PPP2R2B: variants seen among roughly 807,000 people sequenced by gnomAD.
The protein encoded by PPP2R2B is serine/threonine-protein phosphatase 2A 55 kDa regulatory subunit B beta isoform.
Under a neutral mutation model 46.0 loss-of-function variants are expected in PPP2R2B, and 5 were observed. That is an observed-to-expected ratio of 0.11 (90% CI 0.06 to 0.23). The LOEUF (loss-of-function observed/expected upper bound fraction) is 0.23, where lower values mean the gene tolerates loss of function less well. PPP2R2B is among the 10% of genes least tolerant of loss of function. The pLI, the probability that PPP2R2B is intolerant of heterozygous loss-of-function variation, is 1.00. For synonymous variants in PPP2R2B, 215 were observed against 206.7 expected, an observed-to-expected ratio of 1.04 and a Z score of -0.34; for missense variants, 367 against 575.0, an observed-to-expected ratio of 0.64 and a Z score of 3.70.
chr5:146,686,184 A>G (rs1778490034), intron 5 of PPP2R2B, among the ~76,000 whole-genome samples: 1 of 152,238 alleles, frequency 6.6e-6, no homozygotes, highest in African/African-American at 2.4e-5. Context: ...AAAGTCTACC[A>G]TGTGCCATGG....
chr5:146,832,566 G>C (rs189399562), intron 2 of PPP2R2B, among the ~76,000 whole-genome samples: 4 of 151,308 alleles, frequency 2.6e-5, no homozygotes, highest in Non-Finnish European at 5.9e-5. Context: ...TAGTTTTTTT[G>C]TATTTTTAGT....
chr5:146,836,017 A>G (rs1759259900), intron 2 of PPP2R2B, among the ~76,000 whole-genome samples: 2 of 152,166 alleles, frequency 1.3e-5, no homozygotes, highest in African/African-American at 4.8e-5. Context: ...CACCAACCGC[A>G]TTGGGTTGTT....
chr5:146,608,848 G>A (rs1037889685), intron 7 of PPP2R2B, among the ~76,000 whole-genome samples: 4 of 152,044 alleles, frequency 2.6e-5, no homozygotes, highest in African/African-American at 9.7e-5. Context: ...AGCCCATATC[G>A]AACATTTAAA....
At chr5:146,837,744 T>G (rs161023) in intron 2 of PPP2R2B, among the ~76,000 whole-genome samples, 152,316 of 152,326 alleles carry the variant, frequency 1, 76,153 homozygotes, top group Middle Eastern at 1. Flanking sequence ...TTTTACACTT[T>G]CAGCATATCT....
intron 2 of PPP2R2B, among the ~76,000 whole-genome samples, chr5:146,796,903 C>T (rs1474444561): frequency 6.6e-6 from 1 of 152,152 alleles, no homozygotes; most frequent in Non-Finnish European, 1.5e-5. Flanking sequence ...GTGAGAGTGA[C>T]TTAATATACC....
chr5:146,810,813 T>C (rs1230061217), intron 2 of PPP2R2B, among the ~76,000 whole-genome samples: 2 of 151,996 alleles, frequency 1.3e-5, no homozygotes, highest in Admixed American at 6.6e-5. Context: ...CATGTTGGTG[T>C]GCTGCACCCA....
chr5:146,657,222 C>T (rs896478439), intron 5 of PPP2R2B, among the ~76,000 whole-genome samples: 2 of 152,180 alleles, frequency 1.3e-5, no homozygotes, highest in South Asian at 4.1e-4. Context: ...CCCCTCAATG[C>T]GCCTTCATGA....
intron 1 of PPP2R2B, among the ~76,000 whole-genome samples, chr5:147,014,793 G>A (rs1754919344): frequency 6.6e-6 from 1 of 151,836 alleles, no homozygotes; most frequent in Non-Finnish European, 1.5e-5. Flanking sequence ...TAGATGACGA[G>A]TTAGTGGGTG....
chr5:146,992,962 A>G (rs556603973), intron 1 of PPP2R2B, among the ~76,000 whole-genome samples: 2,617 of 152,230 alleles, frequency 0.017, 34 homozygotes, highest in Non-Finnish European at 0.027. Flanking sequence ...TTATTTTTTT[A>G]GATGGAGTCT....
intron 1 of PPP2R2B, among the ~76,000 whole-genome samples, chr5:147,052,290 A>G (rs1242415352): frequency 6.6e-6 from 1 of 152,212 alleles, no homozygotes; most frequent in Non-Finnish European, 1.5e-5. Context: ...ATTTATCCAT[A>G]CAACAGCCTT....
chr5:146,826,863 A>G (rs1582202057), intron 2 of PPP2R2B, among the ~76,000 whole-genome samples: 1 of 152,272 alleles, frequency 6.6e-6, no homozygotes, highest in Admixed American at 6.5e-5. Context: ...ACATCTGTCA[A>G]CAAATCATCT....
intron 7 of PPP2R2B, among the ~76,000 whole-genome samples, chr5:146,622,633 A>G (rs1231777228): frequency 1.3e-5 from 2 of 152,196 alleles, no homozygotes; most frequent in Non-Finnish European, 2.9e-5. Context: ...ATTCTCTAAA[A>G]GGCAAAATTG....
chr5:146,617,325 A>G (rs1773261388), intron 7 of PPP2R2B, among the ~76,000 whole-genome samples: 1 of 152,212 alleles, frequency 6.6e-6, no homozygotes, highest in African/African-American at 2.4e-5. Flanking sequence ...TATAGTCAAT[A>G]TTAATTTAAT....
intron 1 of PPP2R2B, among the ~76,000 whole-genome samples, chr5:147,052,609 A>G (rs1202143812): frequency 2.0e-5 from 3 of 152,164 alleles, no homozygotes; most frequent in Admixed American, 6.5e-5. Context: ...AAAGCAGCCC[A>G]AAAGTCTATG....
chr5:146,700,296 G>A (rs1260918289), intron 3 of PPP2R2B, among the ~76,000 whole-genome samples: 3 of 152,140 alleles, frequency 2.0e-5, no homozygotes, highest in East Asian at 3.9e-4. Context: ...CTGGAAGCTC[G>A]AAGACCATGC....
intron 5 of PPP2R2B, among the ~76,000 whole-genome samples, chr5:146,675,248 C>T (rs1777635588): frequency 6.6e-6 from 1 of 152,214 alleles, no homozygotes. Flanking sequence ...GTGTGAGCCA[C>T]TGCACCCCGC....
chr5:146,807,681 G>A (rs1188940663), intron 2 of PPP2R2B, among the ~76,000 whole-genome samples: 2 of 147,926 alleles, frequency 1.4e-5, no homozygotes, highest in Non-Finnish European at 3.0e-5. Context: ...ACAGAGCTGG[G>A]ATTTGAATAC....
intron 1 of PPP2R2B, among the ~76,000 whole-genome samples, chr5:146,992,037 A>G (rs570110547): frequency 1.3e-5 from 2 of 152,308 alleles, no homozygotes; most frequent in Admixed American, 6.5e-5. Flanking sequence ...TAAAATTTAT[A>G]TGGAACTACA....
Position 146,960,070 on chromosome 5 carries a change from C to T in PPP2R2B, c.79+95595G>A, listed in dbSNP as rs190341577. On this transcript the variant is annotated intron_variant, in intron 1 of 8. Coordinates refer to the PPP2R2B transcript ENST00000336640. ...CTTTCCTAACCCTCTGTAGGGATGGCTGTGTTAGATAATACTACATTGTTT... is the reference window on the plus strand; with the variant it reads ...CTTTCCTAACCCTCTGTAGGGATGGTTGTGTTAGATAATACTACATTGTTT... Among the ~76,000 whole-genome samples, 48 of 152,284 alleles carry T rather than the reference C, an allele frequency of 3.2e-4. 1 individual carries two copies. Among genetic ancestry groups the T allele is most frequent in the African/African-American group, 1.1e-3 (46 of 41,562 alleles).
Sources: gnomAD v4.1 joint callset for allele counts (sites outside exome capture counted in the v4.1 genomes callset) on GRCh38, gnomAD v4.1.1 for gene constraint, MANE v1.5 for transcripts, NCBI Gene and HGNC (gene_info 2026-07-23, HGNC 2026-07-21) for gene names.